The following AGR2 variants were observed in gnomAD, a reference collection of about 807,000 sequenced individuals.
The protein encoded by AGR2 is anterior gradient 2, protein disulphide isomerase family member.
AGR2 carries 27 observed loss-of-function variants against 25.9 expected under a neutral mutation model. The observed-to-expected ratio is 1.04, with a 90% confidence interval of 0.77 to 1.44. AGR2 has a LOEUF of 1.44. Ranked by LOEUF, AGR2 falls within the 40% of genes most tolerant of loss-of-function variation. AGR2 has a pLI of 0.00. For missense variants in AGR2, 182 were observed against 200.9 expected (o/e 0.91, Z 0.57); for synonymous variants, 78 against 72.0 (o/e 1.08, Z -0.42).
chr7:16,796,303 C>G (rs375478975), intron 6 of AGR2, among the ~76,000 whole-genome samples: 2 of 152,320 alleles, frequency 1.3e-5, no homozygotes, highest in South Asian at 4.2e-4. Context: ...AATTCCTGTA[C>G]AAGGTATGAA....
chr7:16,793,105 G>C, intron 7 of AGR2, 148 bp from the exon 8 acceptor site: 1 of 720,066 alleles, frequency 1.4e-6, no homozygotes, highest in Non-Finnish European at 2.3e-6. Flanking sequence ...CTGGCATGCA[G>C]TGGTGCAATC....
At chr7:16,799,704 G>A in intron 5 of AGR2, 40 bp downstream of exon 5, 1 of 1,420,600 alleles carries the variant, frequency 7.0e-7, no homozygotes, top group Non-Finnish European at 9.9e-7. Flanking sequence ...CAAGTAATGA[G>A]CCATAGAGAA....
intron 1 of AGR2, among the ~76,000 whole-genome samples, chr7:16,802,148 A>G (rs949872875): frequency 1.3e-5 from 2 of 152,008 alleles, no homozygotes; most frequent in Non-Finnish European, 2.9e-5. Flanking sequence ...GCAATAAGAT[A>G]TTTTGAGAGA....
rs772072049 is a variant in AGR2 at position 16,792,960 on chromosome 7, A to G, written c.479-3T>C. On this transcript the variant is annotated splice_region_variant and splice_polypyrimidine_tract_variant and intron_variant, in intron 7 of 7. Coordinates refer to ENST00000419304, the MANE Select transcript of AGR2 (RefSeq NM_006408.4). ...AGCTTTCTTCATGTTGTCAAGCACT[A>G]ATGGGGGATAAAAGCAGGAGAGTCA... The G allele has an allele frequency of 1.2e-6, 2 of 1,613,758 alleles. No homozygotes were observed. The highest frequency in any genetic ancestry group is 2.7e-5 in the African/African-American group (2 of 74,896).
intron 5 of AGR2, 193 bp downstream of exon 5, chr7:16,799,551 C>A: frequency 3.9e-6 from 2 of 514,738 alleles, no homozygotes; most frequent in African/African-American, 1.9e-5. Flanking sequence ...TGATTAATTA[C>A]TAAATAAAAA....
At chr7:16,795,072 C>T in intron 6 of AGR2, 53 bp from the exon 7 acceptor site, 1 of 1,592,236 alleles carries the variant, frequency 6.3e-7, no homozygotes, top group Non-Finnish European at 8.6e-7. Context: ...TTCAAACAAC[C>T]TGTATTTATT....
At chr7:16,794,899 A>C in intron 7 of AGR2, 37 bp downstream of exon 7, 1 of 1,613,772 alleles carries the variant, frequency 6.2e-7, no homozygotes, top group African/African-American at 1.3e-5. Flanking sequence ...GAGGTGTTCA[A>C]CTCTTGGGCA....
In AGR2 at chr7:16,794,951, C is replaced by A; in HGVS notation, c.463G>T (p.Ala155Ser). 6.2e-7 allele frequency: 1 copy of A among 1,614,186 alleles called. No homozygotes were observed. Among genetic ancestry groups the A allele is most frequent in the East Asian group, 2.2e-5 (1 of 44,892 alleles). The change falls in exon 7 of 8, where the codon GCA becomes TCA. Residue 155 changes from alanine to serine, a missense_variant. Transcript: ENST00000419304. ...TCACACTTACACAGAGCTGTATCTG[C>A]AGGTTCGTAAGCATAGAGACGATTT... The part of the protein sequence containing the change: ...YSNRLYAYEP[A>S]DTALLLDNMK...
chr7:16,794,594 C>A lies in AGR2; in HGVS notation c.478+342G>T. The A allele has an allele frequency of 4.4e-6, 2 of 459,004 alleles. 1 individual carries two copies. The highest frequency in any genetic ancestry group is 7.6e-6 in the Non-Finnish European group (2 of 264,618). The allele number at this position is 459,004 out of a possible 1,614,324, so 28.4% of individuals were successfully genotyped here. A position where few individuals can be genotyped will look rare whatever the true frequency, so the allele number is the denominator to read the frequency against. ...TTGTTATTTAAAAAATTAAGACATG[C>A]AGATTATTACAATTATTACACTCAG... On this transcript the variant is annotated intron_variant, in intron 7 of 7. Coordinates refer to ENST00000419304, the MANE Select transcript of AGR2 (RefSeq NM_006408.4).
chr7:16,803,998 C>A (rs906214740), intron 1 of AGR2, among the ~76,000 whole-genome samples: 3 of 151,970 alleles, frequency 2.0e-5, no homozygotes, highest in Non-Finnish European at 4.4e-5. Flanking sequence ...TCTTGTTTTC[C>A]AAGTAGCTAT....
At chr7:16,799,981 A>G (rs112552032) in intron 4 of AGR2, among the ~76,000 whole-genome samples, 164 bp from the exon 5 acceptor site, 2 of 152,326 alleles carry the variant, frequency 1.3e-5, no homozygotes, top group African/African-American at 4.8e-5. Context: ...TATCTATGGC[A>G]TTGACTACCT....
At chr7:16,795,169 T>C in intron 6 of AGR2, 150 bp from the exon 7 acceptor site, 1 of 821,876 alleles carries the variant, frequency 1.2e-6, no homozygotes, top group Non-Finnish European at 2.0e-6. Flanking sequence ...CCATCCACTC[T>C]ACTACCCAGC....
chr7:16,798,407 G>A (rs1304473450), intron 5 of AGR2, among the ~76,000 whole-genome samples: 2 of 152,192 alleles, frequency 1.3e-5, no homozygotes, highest in Non-Finnish European at 2.9e-5. Context: ...GCTGGGGAAG[G>A]ACTGAGTTGG....
At position 16,801,528 on chromosome 7, in the gene AGR2, G is replaced by A. The variant is rs768760782; in HGVS notation, c.139+130C>T. The A allele has an allele frequency of 4.4e-6, 6 of 1,364,802 alleles. No homozygotes were observed. In the African/African-American group the frequency reaches 8.6e-5, roughly 20 times the overall value. 84.5% of individuals were successfully genotyped at this position (1,364,802 alleles called of 1,614,324 possible). A position where few individuals can be genotyped will look rare whatever the true frequency, so the allele number is the denominator to read the frequency against. On this transcript the variant is annotated intron_variant, in intron 2 of 7. Transcript: ENST00000419304. Reference sequence around the variant, plus strand: ...GAGAAAGTAGAAATAATTATAAACAGTGATAAGTCTAGAAGGAACACAACC... The same window carrying A: ...GAGAAAGTAGAAATAATTATAAACAATGATAAGTCTAGAAGGAACACAACC...
rs771304223 is a variant in AGR2 at position 16,794,902 on chromosome 7, C to G, written c.478+34G>C. 7 of 1,613,932 alleles carry G rather than the reference C, an allele frequency of 4.3e-6. No individual in the cohort carries two copies. In the East Asian group the frequency reaches 1.3e-4, roughly 31 times the overall value. On this transcript the variant is annotated intron_variant, in intron 7 of 7. Coordinates refer to ENST00000419304, the MANE Select transcript of AGR2 (RefSeq NM_006408.4). ...ACTACAGCAATAGAGGTGTTCAACT[C>G]TTGGGCAACATCCGAATTGAAGGTC...
intron 1 of AGR2, among the ~76,000 whole-genome samples, chr7:16,803,399 T>C (rs114880924): frequency 6.6e-6 from 1 of 152,150 alleles, no homozygotes; most frequent in Non-Finnish European, 1.5e-5. Context: ...AACTCTAGTA[T>C]TGGTGAATGG....
intron 2 of AGR2, 57 bp from the exon 3 acceptor site, chr7:16,801,440 T>C (rs1368372404): frequency 1.3e-6 from 2 of 1,532,714 alleles, no homozygotes; most frequent in East Asian, 2.3e-5. Context: ...CCCAAAGCTG[T>C]TGAAAAGCAA....
chr7:16,799,431 G>A, intron 5 of AGR2: 1 of 239,782 alleles, frequency 4.2e-6, no homozygotes, highest in Non-Finnish European at 8.0e-6. Flanking sequence ...GATTAAGAAT[G>A]GGTGTAGAGA....
chr7:16,799,414 T>G (rs141537650), intron 5 of AGR2, among the ~76,000 whole-genome samples: 88 of 152,190 alleles, frequency 5.8e-4, no homozygotes, highest in African/African-American at 2.0e-3. Context: ...TCCCAAGAGA[T>G]GACCAGGATT....
Sources: allele counts gnomAD v4.1 joint callset (sites outside exome capture counted in the v4.1 genomes callset), GRCh38; gene constraint gnomAD v4.1.1; transcripts MANE v1.5; gene names NCBI Gene and HGNC (gene_info 2026-07-23, HGNC 2026-07-21).